Variants in GLCE observed in about 807,000 individuals in gnomAD.
The protein encoded by GLCE is D-glucuronyl C5-epimerase.
In GLCE, 19 loss-of-function variants were observed where a neutral mutation model predicts 47.9. The ratio of observed to expected loss-of-function variants is 0.40; its 90% CI spans 0.28 to 0.58. The LOEUF is 0.58. Among genes scored for constraint, GLCE ranks in the 20% least tolerant of loss-of-function variants. The pLI, the probability that GLCE is intolerant of heterozygous loss-of-function variation, is 0.48. For missense variants in GLCE, 556 were observed against 743.3 expected, an observed-to-expected ratio of 0.75 and a Z score of 2.93; for synonymous variants, 245 against 263.4, an observed-to-expected ratio of 0.93 and a Z score of 0.68.
At chr15:69,185,427 G>A (rs2051807964) in intron 1 of GLCE, among the ~76,000 whole-genome samples, 1 of 152,072 alleles carries the variant, frequency 6.6e-6, no homozygotes, top group Non-Finnish European at 1.5e-5. Context: ...GTCAAAAGTT[G>A]CCTGAAGCGT....
chr15:69,232,252 G>A (rs1317460820), intron 2 of GLCE, among the ~76,000 whole-genome samples: 1 of 152,226 alleles, frequency 6.6e-6, no homozygotes, highest in African/African-American at 2.4e-5. Context: ...CAGTCTGGTA[G>A]GAGAGTATGG....
At chr15:69,250,224 A>G (rs778058053) in intron 2 of GLCE, among the ~76,000 whole-genome samples, 1 of 152,150 alleles carries the variant, frequency 6.6e-6, no homozygotes, top group Admixed American at 6.5e-5. Flanking sequence ...AGTGCAATCT[A>G]CTTCTTGAAA....
At chr15:69,223,371 T>C (rs1490655377) in intron 2 of GLCE, among the ~76,000 whole-genome samples, 1 of 152,282 alleles carries the variant, frequency 6.6e-6, no homozygotes, top group East Asian at 1.9e-4. Context: ...GTTTGTTTGT[T>C]TTCCTTCTAG....
At chr15:69,217,169 CAT>C (rs894791021) in intron 2 of GLCE, among the ~76,000 whole-genome samples, 1 of 151,588 alleles carries the variant, frequency 6.6e-6, no homozygotes. Flanking sequence ...ACTTATAAAA[CAT>C]ATATATATAA....
At chr15:69,190,686 A>G (rs1463490053) in intron 1 of GLCE, among the ~76,000 whole-genome samples, 1 of 152,132 alleles carries the variant, frequency 6.6e-6, no homozygotes, top group Non-Finnish European at 1.5e-5. Flanking sequence ...TAGACAGCAT[A>G]TAGTTGGGTT....
intron 2 of GLCE, among the ~76,000 whole-genome samples, chr15:69,230,564 A>G (rs1020636818): frequency 1.5e-4 from 23 of 152,356 alleles, no homozygotes; most frequent in African/African-American, 4.8e-4. Context: ...TCCTTGTTAC[A>G]TTAGTTTTAA....
chr15:69,200,509 A>C (rs952325862), intron 1 of GLCE, among the ~76,000 whole-genome samples: 1 of 152,184 alleles, frequency 6.6e-6, no homozygotes, highest in African/African-American at 2.4e-5. Flanking sequence ...TTCATGATTG[A>C]TAAGTGGCAT....
At chr15:69,238,506 G>A (rs183492665) in intron 2 of GLCE, among the ~76,000 whole-genome samples, 23 of 152,206 alleles carry the variant, frequency 1.5e-4, no homozygotes, top group Non-Finnish European at 2.5e-4. Context: ...AAAACTACTC[G>A]TTAAACCTTT....
intron 1 of GLCE, among the ~76,000 whole-genome samples, chr15:69,191,258 G>A (rs747236477): frequency 6.6e-6 from 1 of 151,858 alleles, no homozygotes; most frequent in Admixed American, 6.6e-5. Flanking sequence ...AGATTTTCTC[G>A]GCTTTTATGT....
At chr15:69,229,850 A>T (rs898341460) in intron 2 of GLCE, among the ~76,000 whole-genome samples, 27 of 142,204 alleles carry the variant, frequency 1.9e-4, no homozygotes, top group South Asian at 4.1e-4. Context: ...AATTTGATTT[A>T]AAAAAAAATT....
At chr15:69,197,830 T>A (rs975365155) in intron 1 of GLCE, among the ~76,000 whole-genome samples, 1 of 152,036 alleles carries the variant, frequency 6.6e-6, no homozygotes, top group East Asian at 1.9e-4. Flanking sequence ...GTTAAGAGAG[T>A]GGGCTTTAAA....
At chr15:69,218,862 A>C (rs1396521571) in intron 2 of GLCE, among the ~76,000 whole-genome samples, 1 of 152,164 alleles carries the variant, frequency 6.6e-6, no homozygotes, top group East Asian at 1.9e-4. Flanking sequence ...CAGTAAAAAT[A>C]CTCATCTCAA....
chr15:69,184,580 A>G (rs2051796435), intron 1 of GLCE, among the ~76,000 whole-genome samples: 1 of 152,258 alleles, frequency 6.6e-6, no homozygotes, highest in African/African-American at 2.4e-5. Context: ...AATATGTTTC[A>G]GTTAGGTGTC....
intron 1 of GLCE, among the ~76,000 whole-genome samples, chr15:69,192,484 A>G (rs1487780665): frequency 6.6e-6 from 1 of 151,958 alleles, no homozygotes; most frequent in East Asian, 1.9e-4. Context: ...TAGCTGTTTT[A>G]ATGTTCTCAT....
At chr15:69,183,105 G>A (rs186356685) in intron 1 of GLCE, among the ~76,000 whole-genome samples, 1 of 152,136 alleles carries the variant, frequency 6.6e-6, no homozygotes. Flanking sequence ...AGGGTTGAGG[G>A]AAGGATCAGT....
At chr15:69,205,606 A>G (rs1418683579) in intron 1 of GLCE, among the ~76,000 whole-genome samples, 1 of 152,080 alleles carries the variant, frequency 6.6e-6, no homozygotes, top group Non-Finnish European at 1.5e-5. Context: ...TTGTATTTCC[A>G]TCAGCAATGT....
chr15:69,205,665 A>G (rs2052140598), intron 1 of GLCE, among the ~76,000 whole-genome samples: 1 of 152,046 alleles, frequency 6.6e-6, no homozygotes, highest in Non-Finnish European at 1.5e-5. Flanking sequence ...GGTATGTTCA[A>G]TCTTTTTCAT....
intron 3 of GLCE, among the ~76,000 whole-genome samples, chr15:69,258,707 A>T (rs1048136346): frequency 6.6e-6 from 1 of 152,178 alleles, no homozygotes; most frequent in African/African-American, 2.4e-5. Context: ...CATCACCTCA[A>T]CCATTTATCC....
intron 2 of GLCE, among the ~76,000 whole-genome samples, chr15:69,218,413 C>T (rs942785106): frequency 3.9e-5 from 6 of 152,152 alleles, no homozygotes; most frequent in Middle Eastern, 3.4e-3. Context: ...ACTTGGGAGG[C>T]TGAGGCTGGA....
Sources: allele counts gnomAD v4.1 joint callset (sites outside exome capture counted in the v4.1 genomes callset), GRCh38; gene constraint gnomAD v4.1.1; transcripts MANE v1.5; gene names NCBI Gene and HGNC (gene_info 2026-07-23, HGNC 2026-07-21).